Variants in SRGAP2 observed in about 807,000 individuals in gnomAD.
SRGAP2 encodes SLIT-ROBO Rho GTPase activating protein 2.
Under a neutral mutation model 57.2 loss-of-function variants are expected in SRGAP2, and 15 were observed. The observed-to-expected ratio is 0.26, with a 90% confidence interval of 0.18 to 0.40. The LOEUF is 0.40. Among genes scored for constraint, SRGAP2 ranks in the 10% least tolerant of loss-of-function variants. The pLI, the probability that SRGAP2 is intolerant of heterozygous loss-of-function variation, is 1.00. For missense variants in SRGAP2, 520 were observed against 669.6 expected, an observed-to-expected ratio of 0.78 and a Z score of 2.47; for synonymous variants, 249 against 248.0, an observed-to-expected ratio of 1.00 and a Z score of -0.04.
chr1:206,253,810 T>C (rs1435137133), intron 2 of SRGAP2, among the ~76,000 whole-genome samples: 4 of 127,852 alleles, frequency 3.1e-5, no homozygotes, highest in African/African-American at 1.3e-4. Flanking sequence ...GTATCGATCC[T>C]TTTTTTTTTT....
chr1:206,394,404 G>C (rs1335447255), intron 7 of SRGAP2, among the ~76,000 whole-genome samples: 1 of 152,180 alleles, frequency 6.6e-6, no homozygotes, highest in African/African-American at 2.4e-5. Flanking sequence ...ACAGAAGTGA[G>C]TGGCAAGAAC....
intron 2 of SRGAP2, among the ~76,000 whole-genome samples, chr1:206,265,834 C>A (rs1436625886): frequency 2.1e-5 from 3 of 146,046 alleles, no homozygotes; most frequent in Non-Finnish European, 4.6e-5. Flanking sequence ...AATTTTTAAA[C>A]CTAGGTTTTG....
At chr1:206,385,365 T>C (rs557408313) in intron 5 of SRGAP2, among the ~76,000 whole-genome samples, 1 of 149,860 alleles carries the variant, frequency 6.7e-6, no homozygotes, top group East Asian at 1.9e-4. Flanking sequence ...AATGCTTTAC[T>C]TCTGCTCTTT....
intron 3 of SRGAP2, among the ~76,000 whole-genome samples, chr1:206,339,949 C>T (rs1306110851): frequency 2.3e-5 from 3 of 130,822 alleles, no homozygotes; most frequent in Non-Finnish European, 4.7e-5. Context: ...ACCATCCACA[C>T]TGAGGTAATT....
chr1:206,374,275 C>G (rs1655013550), intron 4 of SRGAP2, among the ~76,000 whole-genome samples: 1 of 151,274 alleles, frequency 6.6e-6, no homozygotes, highest in African/African-American at 2.5e-5. Flanking sequence ...TTCGGCCTCC[C>G]AAAGTGCTGG....
intron 13 of SRGAP2, among the ~76,000 whole-genome samples, chr1:206,427,884 G>A (rs1054051606): frequency 1.2e-4 from 19 of 152,162 alleles, no homozygotes; most frequent in African/African-American, 4.6e-4. Context: ...TAAGGCAGGA[G>A]GATTACTTGA....
chr1:206,209,785 T>A (rs1649908981), intron 2 of SRGAP2, among the ~76,000 whole-genome samples: 2 of 151,658 alleles, frequency 1.3e-5, no homozygotes, highest in Admixed American at 6.6e-5. Flanking sequence ...ACTAATGGTG[T>A]GGTATTTGCG....
At chr1:206,393,246 A>AGG (rs148368773) in intron 6 of SRGAP2, among the ~76,000 whole-genome samples, 2 of 118,624 alleles carry the variant, frequency 1.7e-5, no homozygotes, top group African/African-American at 6.6e-5. Flanking sequence ...TCAGGTGTTC[A>AGG]GGGGCAAGAG....
At chr1:206,394,275 CACCTCAGGTGACCTG>C (rs1350933696) in intron 7 of SRGAP2, among the ~76,000 whole-genome samples, 1 of 151,064 alleles carries the variant, frequency 6.6e-6, no homozygotes, top group Non-Finnish European at 1.5e-5. Flanking sequence ...TGGAACTCCT[CACCTCAGGTGACCTG>C]ACCTCAGGTG....
At chr1:206,429,972 G>A (rs539941312) in intron 13 of SRGAP2, among the ~76,000 whole-genome samples, 190 bp from the exon 14 acceptor site, 132 of 152,312 alleles carry the variant, frequency 8.7e-4, no homozygotes, top group African/African-American at 2.9e-3. Flanking sequence ...TAACTTTAAG[G>A]CATCTGTGTA....
At chr1:206,278,462 C>CCTCA (rs1416033074) in intron 2 of SRGAP2, among the ~76,000 whole-genome samples, 25 of 140,398 alleles carry the variant, frequency 1.8e-4, no homozygotes, top group Middle Eastern at 3.5e-3. Context: ...GATCCTTCTG[C>CCTCA]CTCAGCCTCC....
At chr1:206,381,032 C>G (rs1196375776) in intron 4 of SRGAP2, among the ~76,000 whole-genome samples, 6 of 152,158 alleles carry the variant, frequency 3.9e-5, no homozygotes, top group Admixed American at 6.5e-5. Flanking sequence ...AGTGGGCTCG[C>G]TACACATGTA....
intron 3 of SRGAP2, among the ~76,000 whole-genome samples, chr1:206,306,154 C>T (rs1672179593): frequency 6.6e-6 from 1 of 152,050 alleles, no homozygotes; most frequent in Non-Finnish European, 1.5e-5. Flanking sequence ...CATCTTGTGT[C>T]CGGAATTGGT....
chr1:206,333,251 C>G (rs1422760253), intron 3 of SRGAP2: 2 of 952,710 alleles, frequency 2.1e-6, no homozygotes, highest in African/African-American at 1.7e-5. Context: ...TCTTCTGCGT[C>G]GCTCACGCTG....
chr1:206,452,629 C>T (rs1663417665), intron 19 of SRGAP2, among the ~76,000 whole-genome samples: 1 of 152,172 alleles, frequency 6.6e-6, no homozygotes, highest in South Asian at 2.1e-4. Context: ...TGGCTCACGC[C>T]TGTAATCCCA....
At chr1:206,442,470 C>A (rs1662391648) in intron 17 of SRGAP2, among the ~76,000 whole-genome samples, 1 of 152,078 alleles carries the variant, frequency 6.6e-6, no homozygotes. Flanking sequence ...CAGTGGTGAG[C>A]AAATGGGGAT....
intron 2 of SRGAP2, chr1:206,206,340 A>C (rs1381721680): frequency 1.9e-5 from 6 of 311,228 alleles, no homozygotes; most frequent in Non-Finnish European, 3.0e-5. Flanking sequence ...AGGCTCTTAG[A>C]GAAAGGCAGT....
intron 2 of SRGAP2, among the ~76,000 whole-genome samples, chr1:206,257,651 G>A (rs1431287026): frequency 7.4e-6 from 1 of 135,570 alleles, no homozygotes; most frequent in Non-Finnish European, 1.6e-5. Context: ...GGGAACCTAG[G>A]GGGTGAGTGA....
intron 11 of SRGAP2, among the ~76,000 whole-genome samples, chr1:206,417,277 T>C (rs938748960): frequency 6.6e-6 from 1 of 151,960 alleles, no homozygotes; most frequent in African/African-American, 2.4e-5. Flanking sequence ...GTAAGTTTTG[T>C]ATTTTCAGTT....
Sources: allele counts gnomAD v4.1 joint callset (sites outside exome capture counted in the v4.1 genomes callset), GRCh38; gene constraint gnomAD v4.1.1; transcripts MANE v1.5; gene names NCBI Gene and HGNC (gene_info 2026-07-23, HGNC 2026-07-21).